MORN1: variants seen among roughly 807,000 people sequenced by gnomAD.
The protein encoded by MORN1 is MORN repeat containing 1.
In MORN1, 67 loss-of-function variants were observed where a neutral mutation model predicts 61.9. The ratio of observed to expected loss-of-function variants is 1.08; its 90% CI spans 0.89 to 1.33. The LOEUF is 1.33. MORN1 is among the 40% of genes most tolerant of loss of function. The pLI is 0.00. For missense variants in MORN1, 752 were observed against 691.2 expected, an observed-to-expected ratio of 1.09 and a Z score of -0.99; for synonymous variants, 301 against 292.0, an observed-to-expected ratio of 1.03 and a Z score of -0.31.
intron 12 of MORN1, among the ~76,000 whole-genome samples, chr1:2,324,775 G>C (rs899365183): frequency 1.3e-5 from 2 of 151,936 alleles, no homozygotes; most frequent in Non-Finnish European, 2.9e-5. Context: ...GGCAGTCTCT[G>C]GGGGGGCCCA....
At position 2,379,983 on chromosome 1, in the gene MORN1, T is replaced by C. The variant is rs113179578; in HGVS notation, c.537+4995A>G. On this transcript the variant is annotated intron_variant, in intron 6 of 13. Transcript: ENST00000378531. The stretch of plus-strand genomic sequence containing the variant: ...CCCAGGAGGGGAAGCCTCCCCAGAG[T>C]CCACCCACAGATGGGCAGAGAAGCG... Among the ~76,000 whole-genome samples the C allele has an allele frequency of 9.2e-3, 1,403 of 151,986 alleles. 15 individuals are homozygous for C. Among genetic ancestry groups the C allele is most frequent in the Non-Finnish European group, 0.015 (999 of 67,962 alleles).
At chr1:2,323,945 G>T (rs1305190495) in intron 13 of MORN1, 152 bp downstream of exon 13, 2 of 1,423,722 alleles carry the variant, frequency 1.4e-6, no homozygotes, top group Admixed American at 5.6e-5. Flanking sequence ...TCCCTGGGAG[G>T]GCCTGGCTGC....
At chr1:2,356,926 G>A (rs1042113860) in intron 10 of MORN1, among the ~76,000 whole-genome samples, 1 of 152,206 alleles carries the variant, frequency 6.6e-6, no homozygotes, top group African/African-American at 2.4e-5. Flanking sequence ...GGGGCTGGGG[G>A]GTTCTGCCGG....
chr1:2,348,757 A>G (rs982159897), intron 10 of MORN1, among the ~76,000 whole-genome samples: 2 of 128,814 alleles, frequency 1.6e-5, no homozygotes, highest in African/African-American at 6.4e-5. Context: ...ACGCACACAC[A>G]CGCACACCTG....
intron 12 of MORN1, among the ~76,000 whole-genome samples, chr1:2,331,573 C>T (rs1641148556): frequency 6.6e-6 from 1 of 152,168 alleles, no homozygotes; most frequent in African/African-American, 2.4e-5. Context: ...TGAGGGGGAC[C>T]TGGTGGCCTT....
At chr1:2,363,517 G>C (rs1461862733) in intron 8 of MORN1, 1 of 152,164 alleles carries the variant, frequency 6.6e-6, no homozygotes, top group African/African-American at 2.4e-5. Context: ...AGCACTTTGG[G>C]AGGCCCAGGT....
rs375555293 is a variant in MORN1, at chr1:2,321,347, A to G, written c.*36T>C. 2.1e-5 allele frequency: 29 copies of G among 1,394,516 alleles called. No individual in the cohort carries two copies. The African/African-American group carries it at 4.0e-4, about 19-fold the overall frequency. 86.4% of individuals were successfully genotyped at this position (1,394,516 alleles called of 1,614,324 possible). ...GCAAGCAGAGGCAGCGTTTCCTTCC[A>G]TTCACACCGAGGTGGCCTCCTGTGG... is the stretch of plus-strand genomic sequence containing the variant. On this transcript the variant is annotated 3_prime_UTR_variant, in exon 14 of 14. Transcript: ENST00000378531.
At chr1:2,356,249 CAGGGAT>C (rs1641766372) in intron 10 of MORN1, among the ~76,000 whole-genome samples, 1 of 152,146 alleles carries the variant, frequency 6.6e-6, no homozygotes, top group Non-Finnish European at 1.5e-5. Context: ...AGGGACATGG[CAGGGAT>C]TGAGCTCGCA....
At chr1:2,387,981 C>T in intron 3 of MORN1, 2 of 491,636 alleles carry the variant, frequency 4.1e-6, no homozygotes, top group South Asian at 6.5e-5. Context: ...GCTGAAATAG[C>T]TTTAAATAAA....
At chr1:2,335,552 C>T (rs567175340) in intron 12 of MORN1, among the ~76,000 whole-genome samples, 1 of 152,328 alleles carries the variant, frequency 6.6e-6, no homozygotes, top group Non-Finnish European at 1.5e-5. Flanking sequence ...CGGTGCCACC[C>T]CTGTCCCAGG....
chr1:2,389,852 A>G, intron 2 of MORN1, 73 bp downstream of exon 2: 2 of 1,416,898 alleles, frequency 1.4e-6, no homozygotes, highest in African/African-American at 1.4e-5. Context: ...TGCCCACCCA[A>G]CCTCCCGGGG....
rs981312663 is a variant in MORN1, at chr1:2,341,317, C to T, written c.1037-4467G>A. Among the ~76,000 whole-genome samples, 67 of 152,160 alleles carry T rather than the reference C, an allele frequency of 4.4e-4. 5 individuals are homozygous for T. Among genetic ancestry groups the T allele is most frequent in the Non-Finnish European group, 1.5e-5 (1 of 68,016 alleles). On this transcript the variant is annotated intron_variant, in intron 10 of 13. Transcript: ENST00000378531. ...TTGCTGGTCACAGTGTACCTGCCCC[C>T]CAACATCACCCCCTTCCTGGGCATC...
chr1:2,364,250 T>G (rs1037892003), intron 8 of MORN1, among the ~76,000 whole-genome samples: 1 of 152,164 alleles, frequency 6.6e-6, no homozygotes, highest in African/African-American at 2.4e-5. Context: ...TTAAACTACA[T>G]AAAAATCCTA....
intron 1 of MORN1, among the ~76,000 whole-genome samples, chr1:2,391,015 G>A (rs1227827976): frequency 6.6e-6 from 1 of 152,204 alleles, no homozygotes; most frequent in Non-Finnish European, 1.5e-5. Flanking sequence ...CAAAGTGCTG[G>A]AAGTACAGGC....
At position 2,336,527 on chromosome 1, in the gene MORN1, C is replaced by T. The variant is rs774194398; in HGVS notation, c.1192G>A (p.Gly398Ser). 2 of 1,612,770 alleles carry T rather than the reference C, an allele frequency of 1.2e-6. No homozygotes were observed. Among genetic ancestry groups the T allele is most frequent in the Non-Finnish European group, 1.7e-6 (2 of 1,179,738 alleles). The change falls in exon 12 of 14, where the codon GGC (glycine) becomes AGC (serine). Residue 398 changes from glycine to serine, a missense_variant. Physicochemically the swap from Gly to Ser is moderately conservative, Grantham distance 56. Coordinates refer to ENST00000378531, the MANE Select transcript of MORN1 (RefSeq NM_024848.3). Reference sequence around the variant, plus strand: ...GGTGTCCCCCTGGGGTGCAGGCCGCCTCTGGATCTGCCGCCTGCCTTCTAG... The same window carrying T: ...GGTGTCCCCCTGGGGTGCAGGCCGCTTCTGGATCTGCCGCCTGCCTTCTAG... The part of the protein sequence containing the change: ...LHKKAGGRSR[G>S]GLHPRGTPPT...
intron 10 of MORN1, chr1:2,352,304 G>A (rs193151535): frequency 1.1e-3 from 189 of 168,826 alleles, no homozygotes; most frequent in African/African-American, 4.3e-3. Flanking sequence ...GGACCATGAG[G>A]TGGTGCAGGA....
chr1:2,385,862 A>G lies in MORN1; in HGVS notation c.394T>C (p.Tyr132His), dbSNP rs1207901901. 1 of 1,613,828 alleles carries G rather than the reference A, an allele frequency of 6.2e-7. No homozygotes were observed. The highest frequency in any genetic ancestry group is 1.3e-5 in the African/African-American group (1 of 74,922). The change falls in exon 5 of 14, where the codon TAC becomes CAC. Residue 132 changes from tyrosine to histidine, a missense_variant. Physicochemically the swap from Tyr to His is moderately conservative, Grantham distance 83. Transcript: ENST00000378531. ...TTGTTGTCATGGAAGGAGCCCTGGT[A>G]CACTTGTCCATCCCGGTCCACCAGA... ...GFLVDRDGQVYQGSFHDNKRH... is the reference protein window; with the variant it reads ...GFLVDRDGQVHQGSFHDNKRH...
At position 2,331,804 on chromosome 1, in the gene MORN1, C is replaced by T. The variant is rs147038740; in HGVS notation, c.1250+4665G>A. Among the ~76,000 whole-genome samples the T allele has an allele frequency of 3.2e-3, 483 of 152,116 alleles. 5 individuals are homozygous for T. Among genetic ancestry groups the T allele is most frequent in the South Asian group, 0.015 (71 of 4,820 alleles). On this transcript the variant is annotated intron_variant, in intron 12 of 13. Coordinates refer to ENST00000378531, the MANE Select transcript of MORN1 (RefSeq NM_024848.3). ...TGTAACCACTGCCGCTCCTCTCCCGCGGCTGCGCCTCTCCCGCCGCTGCGC... is the reference window on the plus strand; with the variant it reads ...TGTAACCACTGCCGCTCCTCTCCCGTGGCTGCGCCTCTCCCGCCGCTGCGC...
intron 13 of MORN1, chr1:2,322,505 C>A: frequency 2.0e-6 from 2 of 985,304 alleles, no homozygotes; most frequent in Non-Finnish European, 2.4e-6. Flanking sequence ...TGGACAAGAG[C>A]AAGCCTCGGG....
Sources: gnomAD v4.1 joint callset for allele counts (sites outside exome capture counted in the v4.1 genomes callset) on GRCh38, gnomAD v4.1.1 for gene constraint, MANE v1.5 for transcripts, NCBI Gene and HGNC (gene_info 2026-07-23, HGNC 2026-07-21) for gene names.